XPO6: variants seen among roughly 807,000 people sequenced by gnomAD.
XPO6 encodes the protein exportin-6.
In XPO6, 3 loss-of-function variants were observed where a neutral mutation model predicts 130.0. The observed-to-expected ratio is 0.02, with a 90% CI of 0.01 to 0.06. XPO6 has a LOEUF of 0.06. Among genes scored for constraint, XPO6 ranks in the 10% least tolerant of loss-of-function variants. The pLI is 1.00. For missense variants in XPO6, 970 were observed against 1,393.0 expected, an observed-to-expected ratio of 0.70 and a Z score of 4.83; for synonymous variants, 524 against 548.9, an observed-to-expected ratio of 0.95 and a Z score of 0.63.
intron 9 of XPO6, among the ~76,000 whole-genome samples, chr16:28,138,022 A>G (rs1174222790): frequency 1.3e-5 from 2 of 152,138 alleles, no homozygotes; most frequent in Non-Finnish European, 2.9e-5. Flanking sequence ...TATGCAAACG[A>G]CTTAACAACC....
Position 28,107,541 on chromosome 16 carries a change from T to C in XPO6, c.2478A>G (p.Pro826=). 4 of 1,614,128 alleles carry C rather than the reference T, an allele frequency of 2.5e-6. No homozygotes were observed. The highest frequency in any genetic ancestry group is 3.4e-6 in the Non-Finnish European group (4 of 1,180,024). ...ESVQVSLALF[P]AFIHQSDVTD... is the part of the protein sequence containing the mutation. The stretch of plus-strand genomic sequence containing the variant: ...TCCTACCTGACTGATGGATAAAAGC[T>C]GGAAAGAGGGCCAGGGAGACCTGAA... Residue 826 remains proline, a synonymous_variant, in exon 18 of 24, where the codon CCA becomes CCG. Coordinates refer to ENST00000304658, the MANE Select transcript of XPO6 (RefSeq NM_015171.4).
chr16:28,168,165 T>C (rs1255393719), intron 5 of XPO6, among the ~76,000 whole-genome samples: 1 of 152,154 alleles, frequency 6.6e-6, no homozygotes, highest in African/African-American at 2.4e-5. Context: ...ACATTAGAAA[T>C]TTAACATTTA....
At chr16:28,168,439 C>T (rs1303985503) in intron 5 of XPO6, among the ~76,000 whole-genome samples, 1 of 151,858 alleles carries the variant, frequency 6.6e-6, no homozygotes, top group Non-Finnish European at 1.5e-5. Context: ...GCTATGTTCA[C>T]ATCACCGCAC....
chr16:28,106,051 T>C lies in XPO6; in HGVS notation c.2776A>G (p.Ile926Val). Residue 926 changes from isoleucine (I) to valine (V), a missense_variant, in exon 20 of 24, where the codon ATT (isoleucine) becomes GTT (valine). Physicochemically the swap from Ile to Val is conservative, Grantham distance 29. This residue lies in a region of XPO6 where 936 missense variants were observed against 1,306.8 expected (regional missense o/e 0.72). Transcript: ENST00000304658. This position sits in a 1 kb window ranked among gnomAD's most constrained non-coding sequence, Gnocchi z 4.2. Reference protein sequence around the residue: ...ALCMEQVYPIIAERPSPDVKA... With the variant: ...ALCMEQVYPIVAERPSPDVKA... ...ACCGTCTGAGCCCCTACCTCGGCAA[T>C]GATGGGATACACTTGCTCCATGCAC... 1 of 1,613,548 alleles carries C rather than the reference T, an allele frequency of 6.2e-7. No individual in the cohort carries two copies. The highest frequency in any genetic ancestry group is 1.1e-5 in the South Asian group (1 of 91,082).
rs188779924 is a variant in XPO6 at position 28,146,207 on chromosome 16, T to C, written c.1225-4A>G. ...AGAAGTAACCTTCATGAGTAGGCTA[T>C]GGTACAAAAAAAATCCAGACAATGA... On this transcript the variant is annotated splice_region_variant and splice_polypyrimidine_tract_variant and intron_variant, in intron 8 of 23. Transcript: ENST00000304658. 5 of 1,602,876 alleles carry C rather than the reference T, an allele frequency of 3.1e-6. No homozygotes were observed. Among genetic ancestry groups the C allele is most frequent in the East Asian group, 2.2e-5 (1 of 44,810 alleles).
chr16:28,170,031 C>T, intron 4 of XPO6, 122 bp from the exon 5 acceptor site: 1 of 1,306,018 alleles, frequency 7.7e-7, no homozygotes, highest in Non-Finnish European at 1.0e-6. Context: ...TAAATCAACA[C>T]TTCAGAAACA....
intron 9 of XPO6, among the ~76,000 whole-genome samples, chr16:28,137,573 G>T (rs1567614438): frequency 1.3e-5 from 2 of 151,706 alleles, no homozygotes; most frequent in Non-Finnish European, 2.9e-5. Flanking sequence ...CATGTGATGA[G>T]AATCAGTCTA....
In XPO6 at chr16:28,106,118, T is replaced by G; in HGVS notation, c.2709A>C (p.Pro903=). Residue 903 remains proline (P), a synonymous_variant, in exon 20 of 24, where the codon CCA becomes CCC. Transcript: ENST00000304658. This position sits in a 1 kb window ranked among gnomAD's most constrained non-coding sequence, Gnocchi z 4.2. ...LKILQVVVQE[P]GQVFKPFLPS... ...GGAGGAAGGGCTTGAACACCTGGCC[T>G]GGCTCCTGGACCACCACCTGCAGGA... The G allele has an allele frequency of 6.2e-7, 1 of 1,614,206 alleles. No homozygotes were observed. Among genetic ancestry groups the G allele is most frequent in the Non-Finnish European group, 8.5e-7 (1 of 1,180,032 alleles).
chr16:28,169,650 A>C, intron 5 of XPO6, 100 bp downstream of exon 5: 1 of 1,476,826 alleles, frequency 6.8e-7, no homozygotes, highest in South Asian at 1.3e-5. Flanking sequence ...GCTATCTCAG[A>C]AACAGCGCAA....
In XPO6 at chr16:28,101,289, A is replaced by T; in HGVS notation, c.3276+169T>A. ...GACTGGGGAAAAGGCTGTGCCCCTC[A>T]ATCAGGCTACAGCACCAGGTCAGCA... is the stretch of plus-strand genomic sequence containing the variant. On this transcript the variant is annotated intron_variant, in intron 23 of 23. Transcript: ENST00000304658. This position sits in a 1 kb window ranked among gnomAD's most constrained non-coding sequence, Gnocchi z 5.4. 1 of 699,082 alleles carries T rather than the reference A, an allele frequency of 1.4e-6. No homozygotes were observed. Among genetic ancestry groups the T allele is most frequent in the Non-Finnish European group, 2.6e-6 (1 of 384,984 alleles). 43.3% of individuals were successfully genotyped at this position (699,082 alleles called of 1,614,324 possible). A position where few individuals can be genotyped will look rare whatever the true frequency, so the allele number is the denominator to read the frequency against.
intron 15 of XPO6, among the ~76,000 whole-genome samples, chr16:28,115,266 C>CT (rs2087025181): frequency 6.6e-6 from 1 of 152,188 alleles, no homozygotes. Context: ...TCTATGGCAG[C>CT]TATAGTCTTA....
chr16:28,210,059 G>A (rs986920688), intron 1 of XPO6, among the ~76,000 whole-genome samples: 5 of 152,110 alleles, frequency 3.3e-5, no homozygotes, highest in Non-Finnish European at 5.9e-5. Context: ...AGCCCAGGAG[G>A]TCGAGGCTGC....
intron 15 of XPO6, among the ~76,000 whole-genome samples, chr16:28,116,740 G>A (rs1192638249): frequency 2.6e-5 from 4 of 152,106 alleles, no homozygotes; most frequent in Admixed American, 2.6e-4. Context: ...TTTGGTTTGT[G>A]GCACTCCAAA....
At chr16:28,107,755 G>C (rs1285809553) in intron 17 of XPO6, 78 bp from the exon 18 acceptor site, 1 of 1,531,256 alleles carries the variant, frequency 6.5e-7, no homozygotes, top group African/African-American at 1.4e-5. Flanking sequence ...GGGAGAGGGA[G>C]GAAACTTGCA....
chr16:28,135,533 A>G (rs1348656457), intron 9 of XPO6, among the ~76,000 whole-genome samples: 1 of 151,988 alleles, frequency 6.6e-6, no homozygotes, highest in African/African-American at 2.4e-5. Flanking sequence ...ACCAGGCACC[A>G]TGTATCTTCC....
chr16:28,124,058 CTTT>C (rs5816463), intron 13 of XPO6, among the ~76,000 whole-genome samples: 4 of 138,252 alleles, frequency 2.9e-5, no homozygotes, highest in Admixed American at 7.3e-5. Context: ...ACAGATATAC[CTTT>C]TTTTTTTTTT....
intron 9 of XPO6, among the ~76,000 whole-genome samples, chr16:28,143,313 C>A (rs146823487): frequency 5.0e-4 from 76 of 152,316 alleles, no homozygotes; most frequent in African/African-American, 1.7e-3. Flanking sequence ...TTCTATTATT[C>A]ATCATTGCTG....
intron 6 of XPO6, among the ~76,000 whole-genome samples, chr16:28,163,568 G>A (rs1207015984): frequency 1.3e-5 from 2 of 152,210 alleles, no homozygotes; most frequent in Admixed American, 1.3e-4. Context: ...GGCTGCTCAA[G>A]TGCAGCAGGA....
At chr16:28,120,026 G>A (rs2087189308) in intron 14 of XPO6, among the ~76,000 whole-genome samples, 1 of 151,946 alleles carries the variant, frequency 6.6e-6, no homozygotes, top group Non-Finnish European at 1.5e-5. Context: ...ATATTTTTTG[G>A]TAGAGACAGG....
Sources: gnomAD v4.1 joint callset for allele counts (sites outside exome capture counted in the v4.1 genomes callset) on GRCh38, gnomAD v4.1.1 for gene constraint, gnomAD v4.1.1 regional missense constraint, Gnocchi (gnomAD v3.1) non-coding constraint, MANE v1.5 for transcripts, NCBI Gene and HGNC (gene_info 2026-07-23, HGNC 2026-07-21) for gene names.